TASP1: variants seen among roughly 807,000 people sequenced by gnomAD.
The protein encoded by TASP1 is threonine aspartase 1.
In TASP1, 16 loss-of-function variants were observed where a neutral mutation model predicts 56.6. That is an observed-to-expected ratio of 0.28 (90% CI 0.19 to 0.43). The LOEUF is 0.43. Ranked by LOEUF, TASP1 falls within the 20% of genes least tolerant of loss-of-function variation. The pLI, the probability that TASP1 is intolerant of heterozygous loss-of-function variation, is 1.00. For missense variants in TASP1, 393 were observed against 511.6 expected, an observed-to-expected ratio of 0.77 and a Z score of 2.24; for synonymous variants, 179 against 184.2, an observed-to-expected ratio of 0.97 and a Z score of 0.23.
chr20:13,262,015 T>C, the TASP1 span, among the ~76,000 whole-genome samples: 13,805 of 152,202 alleles, frequency 0.091, 705 homozygotes, highest in East Asian at 0.17. Context: ...CCTCTGGTCG[T>C]AGGAGGACTT....
At chr20:13,458,313 T>A (rs944314986) in intron 11 of TASP1, among the ~76,000 whole-genome samples, 1 of 152,158 alleles carries the variant, frequency 6.6e-6, no homozygotes, top group African/African-American at 2.4e-5. Context: ...GTAATTCAAA[T>A]TTTTAATTTC....
At chr20:13,254,107 C>G in the TASP1 span, among the ~76,000 whole-genome samples, 1 of 151,162 alleles carries the variant, frequency 6.6e-6, no homozygotes, top group African/African-American at 2.4e-5. Flanking sequence ...GTGGTACATG[C>G]CTGTAATCCC....
the TASP1 span, among the ~76,000 whole-genome samples, chr20:13,246,743 G>C: frequency 0.036 from 5,520 of 152,242 alleles, 168 homozygotes; most frequent in African/African-American, 0.077. Flanking sequence ...CTTATAAGAA[G>C]AAAGTAACTG....
the TASP1 span, among the ~76,000 whole-genome samples, chr20:13,240,170 C>T: frequency 1.3e-5 from 2 of 152,286 alleles, no homozygotes; most frequent in African/African-American, 4.8e-5. Flanking sequence ...TTTCATATCG[C>T]GTGGCTGTGA....
intron 10 of TASP1, among the ~76,000 whole-genome samples, chr20:13,523,609 T>C (rs1202617295): frequency 1.3e-5 from 2 of 152,130 alleles, no homozygotes; most frequent in East Asian, 1.9e-4. Context: ...CTCAGAAATA[T>C]TGAGGCATAA....
chr20:13,601,175 G>A (rs909179765), intron 4 of TASP1, among the ~76,000 whole-genome samples: 2 of 152,068 alleles, frequency 1.3e-5, no homozygotes, highest in Admixed American at 6.6e-5. Context: ...GCTATTGAGC[G>A]GCTGAAGTGG....
chr20:13,262,840 C>T, the TASP1 span, among the ~76,000 whole-genome samples: 1 of 152,150 alleles, frequency 6.6e-6, no homozygotes, highest in East Asian at 1.9e-4. Context: ...CAAAGAGTTG[C>T]CCATTCTTCA....
chr20:13,533,878 G>T (rs2146895477), intron 9 of TASP1, 144 bp downstream of exon 9: 1 of 923,262 alleles, frequency 1.1e-6, no homozygotes, highest in South Asian at 1.8e-5. Context: ...AAAGGTATTT[G>T]GTTGATGATT....
the TASP1 span, among the ~76,000 whole-genome samples, chr20:13,132,391 G>A: frequency 4.1e-4 from 62 of 152,060 alleles, 1 homozygote; most frequent in East Asian, 9.9e-3. Flanking sequence ...TGGCCGGGCT[G>A]ATCTTGAGCT....
At chr20:13,316,809 A>G in the TASP1 span, among the ~76,000 whole-genome samples, 6,286 of 151,968 alleles carry the variant, frequency 0.041, 405 homozygotes, top group African/African-American at 0.14. Context: ...AAGAAAACCT[A>G]CAAAACACCC....
the TASP1 span, among the ~76,000 whole-genome samples, chr20:13,290,446 G>C: frequency 2.0e-5 from 3 of 152,140 alleles, no homozygotes; most frequent in African/African-American, 7.2e-5. Flanking sequence ...TCAGGAGATC[G>C]AGACCATCCT....
intron 6 of TASP1, 38 bp from the exon 7 acceptor site, chr20:13,569,624 C>T: frequency 6.5e-7 from 1 of 1,535,944 alleles, no homozygotes. Flanking sequence ...TTCACAGTGT[C>T]ATCTTCTCCT....
At chr20:13,525,999 G>C (rs2044964832) in intron 10 of TASP1, among the ~76,000 whole-genome samples, 1 of 152,102 alleles carries the variant, frequency 6.6e-6, no homozygotes, top group South Asian at 2.1e-4. Flanking sequence ...ACACAGGATA[G>C]GCAAAAGAGG....
intron 10 of TASP1, among the ~76,000 whole-genome samples, chr20:13,513,423 A>T (rs1433828058): frequency 1.3e-5 from 2 of 151,992 alleles, no homozygotes; most frequent in Admixed American, 6.6e-5. Flanking sequence ...GGAGGGAGAG[A>T]GACAGAAGGC....
chr20:13,391,810 G>A (rs6079039), intron 13 of TASP1, among the ~76,000 whole-genome samples: 103,078 of 150,172 alleles, frequency 0.69, 35,709 homozygotes, highest in African/African-American at 0.76. Context: ...TACTAAAAAT[G>A]CAAAAAAATT....
the TASP1 span, among the ~76,000 whole-genome samples, chr20:13,126,906 T>C: frequency 1.3e-5 from 2 of 152,254 alleles, no homozygotes; most frequent in Non-Finnish European, 2.9e-5. Flanking sequence ...AAAGAAAACT[T>C]TCTAATTTAC....
chr20:13,394,248 T>C (rs561072273), intron 13 of TASP1, among the ~76,000 whole-genome samples: 5 of 126,034 alleles, frequency 4.0e-5, no homozygotes, highest in African/African-American at 1.0e-4. Flanking sequence ...CTCACTGCAC[T>C]CCACTGCACT....
In TASP1 at chr20:13,570,703, TA is replaced by T. The variant is rs369511931; in HGVS notation, c.489-1118del. 3.4e-3 allele frequency among the ~76,000 whole-genome samples: 507 copies of T among 150,188 alleles called. 2 individuals are homozygous for T. The highest frequency in any genetic ancestry group is 0.012 in the East Asian group (60 of 5,170). ...ACTTTACCTCTTCAAAATTCTACTT[TA>T]AAAAAAAAATTCTAAAGGATTCTAA... On this transcript the variant is annotated intron_variant, in intron 6 of 13. Coordinates refer to ENST00000337743, the MANE Select transcript of TASP1 (RefSeq NM_017714.3).
the TASP1 span, among the ~76,000 whole-genome samples, chr20:13,157,008 T>C: frequency 2.0e-5 from 3 of 152,214 alleles, no homozygotes; most frequent in East Asian, 5.8e-4. Flanking sequence ...CTTAAGATTG[T>C]TTTTTAAGAA....
Sources: allele counts gnomAD v4.1 joint callset (sites outside exome capture counted in the v4.1 genomes callset), GRCh38; gene constraint gnomAD v4.1.1; transcripts MANE v1.5; gene names NCBI Gene and HGNC (gene_info 2026-07-23, HGNC 2026-07-21).